Variants in PPP4R3B observed in about 807,000 individuals in gnomAD.
PPP4R3B encodes the protein protein phosphatase 4 regulatory subunit 3B, also known as serine/threonine-protein phosphatase 4 regulatory subunit 3B.
In PPP4R3B, 52 loss-of-function variants were observed where a neutral mutation model predicts 95.4. The observed-to-expected ratio is 0.54, with a 90% CI of 0.44 to 0.69. The LOEUF is 0.69. PPP4R3B is among the 30% of genes least tolerant of loss of function. PPP4R3B has a pLI of 0.00. For synonymous variants in PPP4R3B, 407 were observed against 343.9 expected, an observed-to-expected ratio of 1.18 and a Z score of -2.03; for missense variants, 1,003 against 1,005.9, an observed-to-expected ratio of 1.00 and a Z score of 0.04.
At chr2:55,584,988 A>T in intron 7 of PPP4R3B, 63 bp downstream of exon 7, 1 of 1,140,840 alleles carries the variant, frequency 8.8e-7, no homozygotes, top group African/African-American at 1.6e-5. Flanking sequence ...TTTTCTCTCA[A>T]TAGTTTGCAA....
At chr2:55,551,772 A>ATAAC (rs1574647236) in intron 16 of PPP4R3B, among the ~76,000 whole-genome samples, 2 of 152,186 alleles carry the variant, frequency 1.3e-5, no homozygotes, top group East Asian at 3.9e-4. Flanking sequence ...AAATAAATAA[A>ATAAC]TAAATAGATA....
At chr2:55,604,101 A>G (rs1693047487) in intron 2 of PPP4R3B, 25 bp from the exon 3 acceptor site, 1 of 1,543,572 alleles carries the variant, frequency 6.5e-7, no homozygotes, top group African/African-American at 1.4e-5. Context: ...ATATTTCCAT[A>G]TCATCACACT....
intron 2 of PPP4R3B, among the ~76,000 whole-genome samples, chr2:55,609,878 G>A (rs1030153226): frequency 1.3e-5 from 2 of 152,088 alleles, no homozygotes; most frequent in African/African-American, 2.4e-5. Context: ...ATAAGAAACT[G>A]GTGATGTCAG....
chr2:55,598,295 TTA>T, intron 4 of PPP4R3B, 119 bp downstream of exon 4: 44 of 1,007,632 alleles, frequency 4.4e-5, no homozygotes, highest in Non-Finnish European at 6.0e-5. Context: ...TTAAATGTAC[TTA>T]ATAGTACATT....
chr2:55,577,443 C>G, intron 10 of PPP4R3B, 87 bp from the exon 11 acceptor site: 1 of 1,201,520 alleles, frequency 8.3e-7, no homozygotes, highest in Non-Finnish European at 1.1e-6. Flanking sequence ...CAATGCATGT[C>G]TTCAATCATA....
chr2:55,585,025 C>A (rs368999320), intron 7 of PPP4R3B, 26 bp downstream of exon 7: 1 of 1,527,428 alleles, frequency 6.5e-7, no homozygotes, highest in South Asian at 1.1e-5. Flanking sequence ...AGGTAATTCA[C>A]ATAGAACCAC....
chr2:55,596,655 G>T (rs1691814975), intron 4 of PPP4R3B, among the ~76,000 whole-genome samples: 1 of 152,220 alleles, frequency 6.6e-6, no homozygotes, highest in South Asian at 2.1e-4. Flanking sequence ...AGGACAGACA[G>T]GAAAAGGGTT....
intron 16 of PPP4R3B, among the ~76,000 whole-genome samples, chr2:55,554,472 A>T (rs1179484375): frequency 2.0e-5 from 3 of 152,216 alleles, no homozygotes; most frequent in Non-Finnish European, 4.4e-5. Context: ...ATGCTATCAT[A>T]TTGTGATTTT....
intron 16 of PPP4R3B, among the ~76,000 whole-genome samples, chr2:55,556,313 T>C (rs1213997626): frequency 6.6e-6 from 1 of 152,240 alleles, no homozygotes; most frequent in African/African-American, 2.4e-5. Context: ...TAATCTGCTG[T>C]TACTGTCAAG....
chr2:55,601,242 T>C (rs1692565004), intron 3 of PPP4R3B, among the ~76,000 whole-genome samples: 1 of 151,750 alleles, frequency 6.6e-6, no homozygotes, highest in South Asian at 2.1e-4. Flanking sequence ...CTGGAAGGGT[T>C]AAGCAATAGG....
chr2:55,596,405 A>G (rs1479095016), intron 4 of PPP4R3B, among the ~76,000 whole-genome samples: 3 of 152,232 alleles, frequency 2.0e-5, no homozygotes, highest in South Asian at 2.1e-4. Context: ...GAGAATGACA[A>G]TACCATGTGC....
At chr2:55,565,376 T>G (rs1273724285) in intron 13 of PPP4R3B, among the ~76,000 whole-genome samples, 1 of 151,868 alleles carries the variant, frequency 6.6e-6, no homozygotes, top group Non-Finnish European at 1.5e-5. Context: ...TTTCATTTGA[T>G]CTTCACAACA....
At chr2:55,587,061 G>A (rs2104318586) in intron 5 of PPP4R3B, among the ~76,000 whole-genome samples, 2 of 152,104 alleles carry the variant, frequency 1.3e-5, no homozygotes, top group South Asian at 4.1e-4. Flanking sequence ...CTTTCTAAGT[G>A]AACCTTTGAA....
Position 55,581,581 on chromosome 2 carries a change from G to C in PPP4R3B, c.1351C>G (p.Leu451Val). Residue 451 changes from leucine to valine, a missense_variant, in exon 8 of 17, where the codon CTG becomes GTG. Around this residue, in one of 3 missense-constraint regions of PPP4R3B, gnomAD observed 695 missense variants for 686.2 expected, o/e 1.01. Transcript: ENST00000616407. ...LRTLIDPENM[L>V]ATTNKTEKSE... ...TAATTTCTTACATTAGTTGTAGCCA[G>C]CATGTTCTCTGGATCAATTAGAGTA... 6.2e-7 allele frequency: 1 copy of C among 1,612,254 alleles called. No individual in the cohort carries two copies. Among genetic ancestry groups the C allele is most frequent in the African/African-American group, 1.3e-5 (1 of 74,960 alleles).
intron 3 of PPP4R3B, among the ~76,000 whole-genome samples, chr2:55,599,616 C>T (rs1692273671): frequency 6.6e-6 from 1 of 152,256 alleles, no homozygotes; most frequent in African/African-American, 2.4e-5. Flanking sequence ...TGTATTACTA[C>T]AACACAATCT....
chr2:55,596,805 A>G (rs1421975765), intron 4 of PPP4R3B, among the ~76,000 whole-genome samples: 1 of 152,218 alleles, frequency 6.6e-6, no homozygotes, highest in East Asian at 1.9e-4. Flanking sequence ...TCTACTAAAA[A>G]TACAAAAAAT....
intron 16 of PPP4R3B, among the ~76,000 whole-genome samples, chr2:55,551,393 C>T (rs537972380): frequency 4.7e-4 from 71 of 151,852 alleles, no homozygotes; most frequent in African/African-American, 1.6e-3. Flanking sequence ...GGTTTAATAC[C>T]TCTGCCTCAG....
chr2:55,593,145 G>A (rs782613), intron 4 of PPP4R3B, among the ~76,000 whole-genome samples: 72,345 of 151,994 alleles, frequency 0.48, 18,379 homozygotes, highest in Non-Finnish European at 0.57. Flanking sequence ...GTGACAGAGC[G>A]AGACTCTGTC....
At chr2:55,576,680 C>T (rs531566712) in intron 11 of PPP4R3B, among the ~76,000 whole-genome samples, 564 of 151,282 alleles carry the variant, frequency 3.7e-3, no homozygotes, top group African/African-American at 9.1e-3. Flanking sequence ...CCAGCCTGGG[C>T]GACAGAGTGA....
Sources: allele counts gnomAD v4.1 joint callset (sites outside exome capture counted in the v4.1 genomes callset), GRCh38; gene constraint gnomAD v4.1.1; regional missense constraint gnomAD v4.1.1; transcripts MANE v1.5; gene names NCBI Gene and HGNC (gene_info 2026-07-23, HGNC 2026-07-21).